CSMD1: variants seen among roughly 807,000 people sequenced by gnomAD.
CSMD1 encodes CUB and Sushi multiple domains 1.
A neutral mutation model predicts 417.5 loss-of-function variants in CSMD1; 213 were observed. The ratio of observed to expected loss-of-function variants is 0.51; its 90% CI spans 0.46 to 0.57. The LOEUF (loss-of-function observed/expected upper bound fraction) is 0.57, where lower values mean the gene tolerates loss of function less well. Among genes scored for constraint, CSMD1 ranks in the 20% least tolerant of loss-of-function variants. The pLI is 0.00. For synonymous variants in CSMD1, 2,862 were observed against 1,736.8 expected (o/e 1.65, Z -16.11); for missense variants, 6,923 against 4,529.7 (o/e 1.53, Z -15.17).
intron 12 of CSMD1, among the ~76,000 whole-genome samples, chr8:3,440,330 T>C (rs1235643911): frequency 1.3e-5 from 2 of 152,228 alleles, no homozygotes; most frequent in African/African-American, 4.8e-5. Context: ...TTCAATAGCA[T>C]TGTATAGTTT....
chr8:4,690,017 G>A (rs1025120365), intron 1 of CSMD1, among the ~76,000 whole-genome samples: 2 of 152,128 alleles, frequency 1.3e-5, no homozygotes, highest in Non-Finnish European at 2.9e-5. Flanking sequence ...AATAAATAAA[G>A]CAATGGGTTT....
intron 22 of CSMD1, among the ~76,000 whole-genome samples, chr8:3,346,564 C>T (rs946456152): frequency 2.0e-5 from 3 of 152,192 alleles, no homozygotes; most frequent in Admixed American, 6.5e-5. Context: ...AATAAAACCA[C>T]TCTACTAAAT....
At chr8:3,300,425 CAA>C (rs1804302615) in intron 25 of CSMD1, among the ~76,000 whole-genome samples, 1 of 151,882 alleles carries the variant, frequency 6.6e-6, no homozygotes, top group Admixed American at 6.6e-5. Flanking sequence ...TAAACCATGC[CAA>C]AGAGCTTATC....
At chr8:4,372,229 A>C (rs1167783610) in intron 3 of CSMD1, among the ~76,000 whole-genome samples, 1 of 152,236 alleles carries the variant, frequency 6.6e-6, no homozygotes, top group East Asian at 1.9e-4. Context: ...AGGAAAAAGT[A>C]AAACTTTATA....
At position 4,698,624 on chromosome 8, in the gene CSMD1, C is replaced by A. The variant is rs182631735; in HGVS notation, c.86-61066G>T. Among the ~76,000 whole-genome samples the A allele has an allele frequency of 2.9e-3, 414 of 141,796 alleles. 3 individuals are homozygous for A. The highest frequency in any genetic ancestry group is 0.01 in the African/African-American group (375 of 37,160). The allele number at this position is 141,796 out of a possible 152,430, so 93.0% of individuals were successfully genotyped here. A position where few individuals can be genotyped will look rare whatever the true frequency, so the allele number is the denominator to read the frequency against. On this transcript the variant is annotated intron_variant, in intron 1 of 69. Transcript: ENST00000635120. ...TTTTTTTTTTTTTGGTTCTAAGGAGCAGGAAGTTTAATAGGCAAGAAGGAA... is the reference window on the plus strand; with the variant it reads ...TTTTTTTTTTTTTGGTTCTAAGGAGAAGGAAGTTTAATAGGCAAGAAGGAA...
intron 6 of CSMD1, among the ~76,000 whole-genome samples, chr8:3,739,386 A>G (rs1796682809): frequency 6.6e-6 from 1 of 152,222 alleles, no homozygotes; most frequent in African/African-American, 2.4e-5. Flanking sequence ...GTTTACAAAT[A>G]GTTAGAAGAC....
chr8:4,548,366 G>A (rs1049943184), intron 2 of CSMD1, among the ~76,000 whole-genome samples: 6 of 151,918 alleles, frequency 3.9e-5, no homozygotes, highest in Admixed American at 3.3e-4. Flanking sequence ...GTATTTTGTC[G>A]TTCATTGAAT....
intron 7 of CSMD1, among the ~76,000 whole-genome samples, chr8:3,631,472 C>A (rs911325333): frequency 1.3e-5 from 2 of 152,178 alleles, no homozygotes; most frequent in Non-Finnish European, 2.9e-5. Context: ...TAAAACAACA[C>A]AGAGGCTGAG....
intron 5 of CSMD1, among the ~76,000 whole-genome samples, chr8:3,805,503 G>A (rs1001726897): frequency 2.6e-5 from 4 of 152,124 alleles, no homozygotes; most frequent in Non-Finnish European, 4.4e-5. Context: ...CATGTTCAGG[G>A]ATGACTCTGA....
intron 3 of CSMD1, among the ~76,000 whole-genome samples, chr8:4,367,014 T>C (rs1173165812): frequency 6.6e-6 from 1 of 152,220 alleles, no homozygotes; most frequent in East Asian, 1.9e-4. Context: ...ACTCTGTTGA[T>C]AACTTCTTTT....
chr8:4,378,566 T>A (rs1802901354), intron 3 of CSMD1, among the ~76,000 whole-genome samples: 1 of 152,232 alleles, frequency 6.6e-6, no homozygotes, highest in African/African-American at 2.4e-5. Flanking sequence ...AGCTTTGCAC[T>A]GGTCTTCAAT....
chr8:3,778,816 T>G (rs1799027223), intron 5 of CSMD1, among the ~76,000 whole-genome samples: 1 of 152,236 alleles, frequency 6.6e-6, no homozygotes, highest in Non-Finnish European at 1.5e-5. Flanking sequence ...TTCTCCTGAC[T>G]GCTGTACAAG....
At position 4,023,753 on chromosome 8, in the gene CSMD1, ATTTTTTTTTTTTT is replaced by A. The variant is rs760333220; in HGVS notation, c.610+8139_610+8151del. ...AAGCGCCCACCGCTACGCTCGGCTAATTTTTTTTTTTTTTTTTTTTTTTTTTTTTTTGTGTGTG... is the reference window on the plus strand; with the variant it reads ...AAGCGCCCACCGCTACGCTCGGCTAATTTTTTTTTTTTTTTTTTGTGTGTG... On this transcript the variant is annotated intron_variant, in intron 4 of 69. Coordinates refer to ENST00000635120, the MANE Select transcript of CSMD1 (RefSeq NM_033225.6). 5.7e-3 allele frequency among the ~76,000 whole-genome samples: 288 copies of A among 50,140 alleles called. 3 individuals are homozygous for A. The highest frequency in any genetic ancestry group is 0.034 in the Middle Eastern group (2 of 58). The allele number at this position is 50,140 out of a possible 152,430, so 32.9% of individuals were successfully genotyped here.
Position 3,837,164 on chromosome 8 carries a change from C to A in CSMD1, c.819-83122G>T, listed in dbSNP as rs945703278. ...TAGTCACTAAAGGAAAAAAAAAAAT[C>A]TGTTCACATCAGTTTCACAGTCTGT... On this transcript the variant is annotated intron_variant, in intron 5 of 69. Coordinates refer to ENST00000635120, the MANE Select transcript of CSMD1 (RefSeq NM_033225.6). Among the ~76,000 whole-genome samples, 6 of 151,574 alleles carry A rather than the reference C, an allele frequency of 4.0e-5. No homozygotes were observed. The East Asian group carries it at 5.8e-4, about 15-fold the overall frequency.
chr8:3,789,166 C>G (rs74617895), intron 5 of CSMD1, among the ~76,000 whole-genome samples: 7 of 151,980 alleles, frequency 4.6e-5, no homozygotes, highest in African/African-American at 1.5e-4. Context: ...GCTTCCTTGA[C>G]CTTTCCACTA....
chr8:3,693,911 G>A (rs990529318), intron 7 of CSMD1, among the ~76,000 whole-genome samples: 1 of 151,300 alleles, frequency 6.6e-6, no homozygotes, highest in Non-Finnish European at 1.5e-5. Context: ...GGCGTCTTGT[G>A]TGTGTGTGTG....
intron 12 of CSMD1, among the ~76,000 whole-genome samples, chr8:3,458,394 A>G (rs1816290762): frequency 6.6e-6 from 1 of 152,178 alleles, no homozygotes; most frequent in African/African-American, 2.4e-5. Flanking sequence ...CTCAGAAAAA[A>G]ATGGAAATCA....
intron 1 of CSMD1, among the ~76,000 whole-genome samples, chr8:4,657,408 A>G (rs1050151838): frequency 6.6e-6 from 1 of 152,050 alleles, no homozygotes; most frequent in Non-Finnish European, 1.5e-5. Flanking sequence ...ATTCATGTCC[A>G]TTCCCTTCCC....
At chr8:4,191,480 T>G (rs1002768859) in intron 3 of CSMD1, among the ~76,000 whole-genome samples, 1 of 152,128 alleles carries the variant, frequency 6.6e-6, no homozygotes, top group African/African-American at 2.4e-5. Flanking sequence ...ACTAAAAGCA[T>G]TGTTCTTACT....
Sources: allele counts gnomAD v4.1 joint callset (sites outside exome capture counted in the v4.1 genomes callset), GRCh38; gene constraint gnomAD v4.1.1; transcripts MANE v1.5; gene names NCBI Gene and HGNC (gene_info 2026-07-23, HGNC 2026-07-21).